The following PCDHGB3 variants were observed in gnomAD, a reference collection of about 807,000 sequenced individuals.
PCDHGB3 encodes the protein protocadherin gamma-B3.
In PCDHGB3, 40 loss-of-function variants were observed where a neutral mutation model predicts 59.2. That is an observed-to-expected ratio of 0.68 (90% CI 0.52 to 0.88). PCDHGB3 has a LOEUF of 0.88. Among genes scored for constraint, PCDHGB3 ranks in the 40% least tolerant of loss-of-function variants. The probability of loss-of-function intolerance (pLI) is 0.00; values close to 1 mark genes in which losing one functional copy is unlikely to be tolerated. For missense variants in PCDHGB3, 1,309 were observed against 1,187.9 expected, an observed-to-expected ratio of 1.10 and a Z score of -1.50; for synonymous variants, 581 against 503.6, an observed-to-expected ratio of 1.15 and a Z score of -2.06.
intron 1 of PCDHGB3, chr5:141,393,601 C>T (rs1392489335): frequency 8.1e-6 from 13 of 1,613,812 alleles, no homozygotes; most frequent in Non-Finnish European, 1.1e-5. Flanking sequence ...CGGCTGCTTA[C>T]TGTAACAGCC....
intron 1 of PCDHGB3, chr5:141,394,562 G>A (rs1381162611): frequency 2.5e-6 from 4 of 1,614,088 alleles, no homozygotes; most frequent in Admixed American, 3.3e-5. Flanking sequence ...GCTCCGCAGA[G>A]CGTGGCTACC....
chr5:141,389,832 C>G (rs758113562), intron 1 of PCDHGB3: 1 of 1,613,966 alleles, frequency 6.2e-7, no homozygotes, highest in Admixed American at 1.7e-5. Context: ...CGGTGGACAG[C>G]CACCACTCTC....
rs774151451 is a variant in PCDHGB3 at position 141,374,148 on chromosome 5, C to A, written c.2415+1339C>A. On this transcript the variant is annotated intron_variant, in intron 1 of 3. Coordinates refer to ENST00000576222, the MANE Select transcript of PCDHGB3 (RefSeq NM_018924.5). The stretch of plus-strand genomic sequence containing the variant: ...GTCCTGCTCCTCACGCTCCTGGGGA[C>A]GCTGTGGGGGGCCGCGGCAGCGCAG... 1.2e-6 allele frequency: 2 copies of A among 1,611,000 alleles called. No individual in the cohort carries two copies. Among genetic ancestry groups the A allele is most frequent in the African/African-American group, 2.7e-5 (2 of 74,910 alleles).
At chr5:141,448,887 G>T (rs1160586933) in intron 1 of PCDHGB3, among the ~76,000 whole-genome samples, 1 of 152,172 alleles carries the variant, frequency 6.6e-6, no homozygotes, top group East Asian at 1.9e-4. Flanking sequence ...GGAGCTTGCA[G>T]TGAGCCGAGA....
chr5:141,481,646 C>T (rs1425216422), intron 1 of PCDHGB3, among the ~76,000 whole-genome samples: 1 of 151,950 alleles, frequency 6.6e-6, no homozygotes, highest in African/African-American at 2.4e-5. Flanking sequence ...GGTGAAACTT[C>T]ATCTCTACTA....
In PCDHGB3 at chr5:141,371,998, G is replaced by A. The variant is rs893704391; in HGVS notation, c.1604G>A (p.Arg535His). Residue 535 changes from arginine (R) to histidine (H), a missense_variant, in exon 1 of 4, where the codon CGC becomes CAC. Transcript: ENST00000576222. ...LRAFELTLQA[R>H]DQGSPTLSAN... ...GCCTTCGAGCTCACTCTGCAGGCCC[G>A]CGACCAGGGCTCGCCTACGCTCAGC... The A allele has an allele frequency of 1.9e-6, 3 of 1,613,266 alleles. No homozygotes were observed. Among genetic ancestry groups the A allele is most frequent in the Non-Finnish European group, 1.7e-6 (2 of 1,179,754 alleles).
intron 1 of PCDHGB3, chr5:141,423,463 G>C (rs772779471): frequency 1.2e-6 from 2 of 1,613,874 alleles, no homozygotes; most frequent in South Asian, 2.2e-5. Context: ...AGGCGTGGAC[G>C]GGGTACAGGC....
At chr5:141,398,014 C>T in intron 1 of PCDHGB3, 1 of 1,420,276 alleles carries the variant, frequency 7.0e-7, no homozygotes, top group South Asian at 1.5e-5. Context: ...AGAATCGTTT[C>T]CTAAACTGGA....
intron 1 of PCDHGB3, chr5:141,395,958 A>G (rs1224647324): frequency 6.6e-6 from 1 of 152,208 alleles, no homozygotes; most frequent in Admixed American, 6.5e-5. Context: ...ACAAAAAACA[A>G]AAGCAAAAAC....
At chr5:141,395,276 A>G in intron 1 of PCDHGB3, 1 of 1,543,522 alleles carries the variant, frequency 6.5e-7, no homozygotes. Flanking sequence ...TTTCCAGATG[A>G]ATTTTATTTG....
At chr5:141,469,511 G>T (rs2099203340) in intron 1 of PCDHGB3, among the ~76,000 whole-genome samples, 2 of 152,038 alleles carry the variant, frequency 1.3e-5, no homozygotes, top group South Asian at 2.1e-4. Flanking sequence ...GGAGGTGGAG[G>T]TTGCAGTGAG....
chr5:141,490,374 C>T lies in PCDHGB3; in HGVS notation c.2416-4433C>T, dbSNP rs1452417604. 1.2e-6 allele frequency: 2 copies of T among 1,614,082 alleles called. No homozygotes were observed. Among genetic ancestry groups the T allele is most frequent in the Middle Eastern group, 1.6e-4 (1 of 6,084 alleles). ...GGTTGTTTAATGTGCGAGACCGGGA[C>T]TCAGGTAGAAATGGTGAAGTGAGCC... On this transcript the variant is annotated intron_variant, in intron 1 of 3. Coordinates refer to ENST00000576222, the MANE Select transcript of PCDHGB3 (RefSeq NM_018924.5). This position sits in a 1 kb window ranked among gnomAD's most constrained non-coding sequence, Gnocchi z 5.4.
In PCDHGB3 at chr5:141,405,081, C is replaced by T. The variant is rs749102403; in HGVS notation, c.2415+32272C>T. 1.0e-4 allele frequency: 163 copies of T among 1,613,766 alleles called. No homozygotes were observed. The highest frequency in any genetic ancestry group is 1.2e-4 in the Non-Finnish European group (138 of 1,179,768). ...TGTGTCTTCCTCACCTTCGTTATCA[C>T]GCTGCTGGCCCTCAGGCTGAGGCAC... On this transcript the variant is annotated intron_variant, in intron 1 of 3. Transcript: ENST00000576222.
In PCDHGB3 at chr5:141,476,575, C is replaced by A; in HGVS notation, c.2416-18232C>A. 6 of 1,614,232 alleles carry A rather than the reference C, an allele frequency of 3.7e-6. No homozygotes were observed. The highest frequency in any genetic ancestry group is 5.1e-6 in the Non-Finnish European group (6 of 1,180,042). The stretch of plus-strand genomic sequence containing the variant: ...GCGAGGCCGTGGCTCCGGGGACGCG[C>A]TTTCCGCTCGAGAGCGCGCACGATC... On this transcript the variant is annotated intron_variant, in intron 1 of 3. Transcript: ENST00000576222. This position sits in a 1 kb window ranked among gnomAD's most constrained non-coding sequence, Gnocchi z 7.6.
intron 1 of PCDHGB3, chr5:141,385,245 G>A: frequency 6.2e-7 from 1 of 1,613,932 alleles, no homozygotes; most frequent in Non-Finnish European, 8.5e-7. Context: ...TCATCAGCCA[G>A]GAGAGCTGTG....
At chr5:141,433,481 G>C (rs2097613311) in intron 1 of PCDHGB3, among the ~76,000 whole-genome samples, 1 of 152,046 alleles carries the variant, frequency 6.6e-6, no homozygotes, top group African/African-American at 2.4e-5. Flanking sequence ...CTAGCCTCCT[G>C]CTTCTCCCTC....
rs750233767 is a variant in PCDHGB3 at position 141,490,877 on chromosome 5, C to A, written c.2416-3930C>A. 1 of 1,613,880 alleles carries A rather than the reference C, an allele frequency of 6.2e-7. No individual in the cohort carries two copies. Among genetic ancestry groups the A allele is most frequent in the Non-Finnish European group, 8.5e-7 (1 of 1,179,900 alleles). On this transcript the variant is annotated intron_variant, in intron 1 of 3. Coordinates refer to ENST00000576222, the MANE Select transcript of PCDHGB3 (RefSeq NM_018924.5). This position sits in a 1 kb window ranked among gnomAD's most constrained non-coding sequence, Gnocchi z 5.4. Reference sequence around the variant, plus strand: ...GACTCCGGCTCTCCCCCATTGCATGCCAACACATCTCTGCATGTGTTTGTC... The same window carrying A: ...GACTCCGGCTCTCCCCCATTGCATGACAACACATCTCTGCATGTGTTTGTC...
intron 1 of PCDHGB3, among the ~76,000 whole-genome samples, chr5:141,402,210 TTAAAA>T (rs1240114840): frequency 6.6e-6 from 1 of 152,008 alleles, no homozygotes; most frequent in African/African-American, 2.4e-5. Context: ...ATACAAAAAT[TTAAAA>T]TAAACGTTTT....
intron 1 of PCDHGB3, among the ~76,000 whole-genome samples, chr5:141,435,134 A>G (rs1190517186): frequency 6.6e-6 from 1 of 152,190 alleles, no homozygotes; most frequent in Non-Finnish European, 1.5e-5. Context: ...GAAAATATAA[A>G]TAAAATTGTG....
Sources: allele counts gnomAD v4.1 joint callset (sites outside exome capture counted in the v4.1 genomes callset), GRCh38; gene constraint gnomAD v4.1.1; non-coding constraint Gnocchi (gnomAD v3.1); transcripts MANE v1.5; gene names NCBI Gene and HGNC (gene_info 2026-07-23, HGNC 2026-07-21).